The following PCDHGA6 variants were observed in gnomAD, a reference collection of about 807,000 sequenced individuals.
PCDHGA6 encodes the protein protocadherin gamma-A6.
A neutral mutation model predicts 60.6 loss-of-function variants in PCDHGA6; 41 were observed. That is an observed-to-expected ratio of 0.68 (90% CI 0.53 to 0.88). The LOEUF (loss-of-function observed/expected upper bound fraction) is 0.88, where lower values mean the gene tolerates loss of function less well. PCDHGA6 is among the 40% of genes least tolerant of loss of function. The probability of loss-of-function intolerance (pLI) is 0.00; values close to 1 mark genes in which losing one functional copy is unlikely to be tolerated. For missense variants in PCDHGA6, 1,312 were observed against 1,203.0 expected (o/e 1.09, Z -1.34); for synonymous variants, 594 against 524.4 (o/e 1.13, Z -1.81).
At chr5:141,433,128 C>T (rs773994964) in intron 1 of PCDHGA6, 3 of 1,614,158 alleles carry the variant, frequency 1.9e-6, no homozygotes, top group Non-Finnish European at 1.7e-6. Flanking sequence ...AAAAGCGAGC[C>T]CCTTTTGCTG....
Position 141,374,427 on chromosome 5 carries a change from A to G in PCDHGA6, c.344A>G (p.Asn115Ser). 1.9e-6 allele frequency: 3 copies of G among 1,613,980 alleles called. No homozygotes were observed. Among genetic ancestry groups the G allele is most frequent in the Non-Finnish European group, 2.5e-6 (3 of 1,179,852 alleles). ...AACATCCTTGTCGAGGATAAACTGA[A>G]TCTTTATCCCGTGGAAGTGGAAATA... ...SFNILVEDKLNLYPVEVEIVD... is the reference protein window; with the variant it reads ...SFNILVEDKLSLYPVEVEIVD... The change falls in exon 1 of 4, where the codon AAT (asparagine) becomes AGT (serine). Residue 115 changes from asparagine to serine, a missense_variant. By Grantham distance (46) the Asn-to-Ser change is conservative (BLOSUM62 1). Coordinates refer to ENST00000517434, the MANE Select transcript of PCDHGA6 (RefSeq NM_018919.3).
intron 1 of PCDHGA6, chr5:141,395,121 T>G (rs773964445): frequency 1.2e-6 from 2 of 1,614,192 alleles, no homozygotes; most frequent in Admixed American, 3.3e-5. Context: ...TCACCTGATC[T>G]TTCCCCAGCC....
In PCDHGA6 at chr5:141,490,378, G is replaced by A; in HGVS notation, c.2425-4429G>A. On this transcript the variant is annotated intron_variant, in intron 1 of 3. Transcript: ENST00000517434. The surrounding 1 kb of genome is among the most constrained non-coding windows in gnomAD (Gnocchi z 5.4). The stretch of plus-strand genomic sequence containing the variant: ...GTTTAATGTGCGAGACCGGGACTCA[G>A]GTAGAAATGGTGAAGTGAGCCTTGA... 1 of 1,614,214 alleles carries A rather than the reference G, an allele frequency of 6.2e-7. No homozygotes were observed. The highest frequency in any genetic ancestry group is 1.1e-5 in the South Asian group (1 of 91,086).
intron 1 of PCDHGA6, chr5:141,413,647 C>T (rs1371772412): frequency 1.2e-6 from 2 of 1,613,880 alleles, no homozygotes; most frequent in Non-Finnish European, 1.7e-6. Context: ...GCGTTTTCCT[C>T]TCCCGGAAGC....
At position 141,477,401 on chromosome 5, in the gene PCDHGA6, G is replaced by T. The variant is rs781253466; in HGVS notation, c.2425-17406G>T. On this transcript the variant is annotated intron_variant, in intron 1 of 3. Coordinates refer to ENST00000517434, the MANE Select transcript of PCDHGA6 (RefSeq NM_018919.3). The surrounding 1 kb of genome is among the most constrained non-coding windows in gnomAD (Gnocchi z 4.9). ...GCCAGAATACAACCTCAGCATCACC[G>T]CCCGAGACGCCGGAACCCCTTCCCT... 8 of 1,613,960 alleles carry T rather than the reference G, an allele frequency of 5.0e-6. No homozygotes were observed. The highest frequency in any genetic ancestry group is 4.5e-5 in the East Asian group (2 of 44,890).
At chr5:141,390,177 C>A in intron 1 of PCDHGA6, 1 of 1,613,986 alleles carries the variant, frequency 6.2e-7, no homozygotes, top group Non-Finnish European at 8.5e-7. Context: ...GTTTAATTTC[C>A]TAAAATGTAG....
chr5:141,407,478 A>G (rs1230151085), intron 1 of PCDHGA6, among the ~76,000 whole-genome samples: 1 of 144,006 alleles, frequency 6.9e-6, no homozygotes, highest in Non-Finnish European at 1.6e-5. Flanking sequence ...TGAATGGAGT[A>G]TGGAAAATCT....
intron 1 of PCDHGA6, among the ~76,000 whole-genome samples, chr5:141,405,944 A>T (rs1435240635): frequency 6.6e-6 from 1 of 152,130 alleles, no homozygotes; most frequent in East Asian, 1.9e-4. Flanking sequence ...TCATGTTCTC[A>T]TAATAATTAA....
intron 1 of PCDHGA6, chr5:141,427,712 C>A: frequency 9.5e-7 from 1 of 1,051,464 alleles, no homozygotes; most frequent in Non-Finnish European, 1.4e-6. Context: ...GCGCCTCTGA[C>A]CTGGACCTAG....
chr5:141,481,352 C>T (rs1007066307), intron 1 of PCDHGA6, among the ~76,000 whole-genome samples: 3 of 152,222 alleles, frequency 2.0e-5, no homozygotes, highest in East Asian at 1.9e-4. Flanking sequence ...TAAACATCTA[C>T]AGCTGTTCAA....
chr5:141,383,417 G>T lies in PCDHGA6; in HGVS notation c.2424+6910G>T. The T allele has an allele frequency of 1.9e-6, 3 of 1,614,014 alleles. No homozygotes were observed. In the South Asian group the frequency reaches 3.3e-5, roughly 18 times the overall value. On this transcript the variant is annotated intron_variant, in intron 1 of 3. Transcript: ENST00000517434. ...AACTCCCTCCAGAGTTACCAGCTCA[G>T]CCCCAATCGCCACTTCTCCCTGGCT...
intron 1 of PCDHGA6, chr5:141,409,345 A>G (rs1012428329): frequency 6.2e-7 from 1 of 1,614,020 alleles, no homozygotes; most frequent in Non-Finnish European, 8.5e-7. Flanking sequence ...GAAATGGAGA[A>G]GTCAGGTGTA....
chr5:141,489,793 C>G lies in PCDHGA6; in HGVS notation c.2425-5014C>G. On this transcript the variant is annotated intron_variant, in intron 1 of 3. Transcript: ENST00000517434. This position sits in a 1 kb window ranked among gnomAD's most constrained non-coding sequence, Gnocchi z 4.5. ...CCACTTCTCTCTGAATGTGAAGACC[C>G]TAAAAGATGGGAAGCCATTCCCAGA... 1 of 1,614,160 alleles carries G rather than the reference C, an allele frequency of 6.2e-7. No individual in the cohort carries two copies. The highest frequency in any genetic ancestry group is 1.1e-5 in the South Asian group (1 of 91,078).
intron 1 of PCDHGA6, among the ~76,000 whole-genome samples, chr5:141,461,233 G>T (rs2099011336): frequency 6.6e-6 from 1 of 152,028 alleles, no homozygotes; most frequent in East Asian, 1.9e-4. Context: ...CATAGAGGTT[G>T]TACTAATTTA....
chr5:141,485,525 C>A lies in PCDHGA6; in HGVS notation c.2425-9282C>A. On this transcript the variant is annotated intron_variant, in intron 1 of 3. Transcript: ENST00000517434. This position sits in a 1 kb window ranked among gnomAD's most constrained non-coding sequence, Gnocchi z 5.7. ...CACCGAAGGTCCTTTGGAAATGTAC[C>A]GAGCAGAGGTAGAGATCGTAGATGT... The A allele has an allele frequency of 5.6e-6, 9 of 1,614,122 alleles. No individual in the cohort carries two copies. Among genetic ancestry groups the A allele is most frequent in the Non-Finnish European group, 7.6e-6 (9 of 1,180,022 alleles).
At chr5:141,403,616 C>G (rs2094434764) in intron 1 of PCDHGA6, 11 of 1,613,892 alleles carry the variant, frequency 6.8e-6, no homozygotes, top group Non-Finnish European at 9.3e-6. Flanking sequence ...CGAGCCGCGT[C>G]GCTCCAGCAC....
chr5:141,385,378 C>G, intron 1 of PCDHGA6: 3 of 1,519,118 alleles, frequency 2.0e-6, no homozygotes, highest in Non-Finnish European at 2.6e-6. Flanking sequence ...TGATATTTCT[C>G]TATTATTTTG....
chr5:141,409,328 T>A, intron 1 of PCDHGA6: 3 of 1,613,926 alleles, frequency 1.9e-6, no homozygotes, highest in Non-Finnish European at 2.5e-6. Context: ...GGATCTGGAT[T>A]TCGGAGGAAA....
chr5:141,502,487 C>A (rs563658817), intron 2 of PCDHGA6, among the ~76,000 whole-genome samples: 1 of 152,182 alleles, frequency 6.6e-6, no homozygotes, highest in Non-Finnish European at 1.5e-5. Context: ...CACACTGGGA[C>A]TCATCTAACG....
Sources: allele counts gnomAD v4.1 joint callset (sites outside exome capture counted in the v4.1 genomes callset), GRCh38; gene constraint gnomAD v4.1.1; non-coding constraint Gnocchi (gnomAD v3.1); transcripts MANE v1.5; gene names NCBI Gene and HGNC (gene_info 2026-07-23, HGNC 2026-07-21).